CDC42SE2: variants seen among roughly 807,000 people sequenced by gnomAD.
The protein encoded by CDC42SE2 is CDC42 small effector protein 2.
In CDC42SE2, 3 loss-of-function variants were observed where a neutral mutation model predicts 11.5. The ratio of observed to expected loss-of-function variants is 0.26; its 90% confidence interval spans 0.12 to 0.67. CDC42SE2 has a LOEUF of 0.67. Ranked by LOEUF, CDC42SE2 falls within the 30% of genes least tolerant of loss-of-function variation. CDC42SE2 has a pLI of 0.80. For synonymous variants in CDC42SE2, 33 were observed against 34.8 expected (o/e 0.95, Z 0.18); for missense variants, 82 against 106.8 (o/e 0.77, Z 1.02).
intron 1 of CDC42SE2, among the ~76,000 whole-genome samples, chr5:131,254,330 T>A (rs909388854): frequency 2.0e-5 from 3 of 151,972 alleles, no homozygotes; most frequent in Admixed American, 2.0e-4. Flanking sequence ...TCACTTGAGG[T>A]TAGGAGTTCA....
At chr5:131,227,759 A>C in the CDC42SE2 span, among the ~76,000 whole-genome samples, 1 of 150,974 alleles carries the variant, frequency 6.6e-6, no homozygotes, top group Non-Finnish European at 1.5e-5. Context: ...AAAAAAGGAA[A>C]TTTGGCCAGG....
At chr5:131,337,382 G>A (rs1039965469) in intron 2 of CDC42SE2, among the ~76,000 whole-genome samples, 1 of 152,196 alleles carries the variant, frequency 6.6e-6, no homozygotes. Context: ...TGCCCCTACT[G>A]GGGGGTGCCT....
intron 2 of CDC42SE2, among the ~76,000 whole-genome samples, chr5:131,318,860 C>T (rs1758103353): frequency 6.6e-6 from 1 of 152,154 alleles, no homozygotes; most frequent in Admixed American, 6.5e-5. Flanking sequence ...GGTAAGGATG[C>T]CTCTGACACA....
chr5:131,341,261 C>T (rs747768801), intron 2 of CDC42SE2, among the ~76,000 whole-genome samples: 2 of 151,958 alleles, frequency 1.3e-5, no homozygotes, highest in Non-Finnish European at 2.9e-5. Context: ...TTTGAGAATT[C>T]CAAGAGTTAA....
At chr5:131,345,624 A>G (rs538549036) in intron 2 of CDC42SE2, among the ~76,000 whole-genome samples, 1 of 152,344 alleles carries the variant, frequency 6.6e-6, no homozygotes, top group East Asian at 1.9e-4. Context: ...GCAGGCCAAC[A>G]TTCAAATTCA....
In CDC42SE2 at chr5:131,391,468, T is replaced by TGGA. The variant is rs1475745347; in HGVS notation, c.*379_*381dup. On this transcript the variant is annotated 3_prime_UTR_variant, in exon 5 of 5. Coordinates refer to ENST00000505065, the MANE Select transcript of CDC42SE2 (RefSeq NM_001375635.1). Reference sequence around the variant, plus strand: ...GGGCTGATCACCTGAGGCCAGGAATTGGAGACTAGCCTGGCCAACATGGTG... The same window carrying TGGA: ...GGGCTGATCACCTGAGGCCAGGAATTGGAGGAGACTAGCCTGGCCAACATGGTG... 3 of 152,892 alleles carry TGGA rather than the reference T, an allele frequency of 2.0e-5. No homozygotes were observed. The highest frequency in any genetic ancestry group is 4.4e-5 in the Non-Finnish European group (3 of 68,616). 9.5% of individuals were successfully genotyped at this position (152,892 alleles called of 1,614,324 possible). A position where few individuals can be genotyped will look rare whatever the true frequency, so the allele number is the denominator to read the frequency against.
Position 131,359,200 on chromosome 5 carries a change from T to A in CDC42SE2, c.-285-9T>A, listed in dbSNP as rs1749639091. On this transcript the variant is annotated splice_polypyrimidine_tract_variant and intron_variant, in intron 2 of 4. Coordinates refer to ENST00000505065, the MANE Select transcript of CDC42SE2 (RefSeq NM_001375635.1). Reference sequence around the variant, plus strand: ...TAACTTTTTTTTACTTTTTCTTTTTTTTCCCTAGACTATCTGTTATAGTCC... The same window carrying A: ...TAACTTTTTTTTACTTTTTCTTTTTATTCCCTAGACTATCTGTTATAGTCC... 3.4e-6 allele frequency: 1 copy of A among 290,860 alleles called. No individual in the cohort carries two copies. Among genetic ancestry groups the A allele is most frequent in the Non-Finnish European group, 6.3e-6 (1 of 158,688 alleles). 18.0% of individuals were successfully genotyped at this position (290,860 alleles called of 1,614,324 possible). A position where few individuals can be genotyped will look rare whatever the true frequency, so the allele number is the denominator to read the frequency against.
chr5:131,371,740 T>C (rs1412749831), intron 3 of CDC42SE2, among the ~76,000 whole-genome samples: 1 of 152,212 alleles, frequency 6.6e-6, no homozygotes, highest in Non-Finnish European at 1.5e-5. Flanking sequence ...TTCTAGTATA[T>C]TTCAGTAAAT....
chr5:131,263,833 A>AT (rs1302107387), upstream of CDC42SE2: 1 of 152,184 alleles, frequency 6.6e-6, no homozygotes, highest in African/African-American at 2.4e-5. Context: ...ACAGAGGCCA[A>AT]TTCCTAACCC....
chr5:131,366,164 A>G (rs1206043012), intron 3 of CDC42SE2, among the ~76,000 whole-genome samples: 11 of 152,238 alleles, frequency 7.2e-5, no homozygotes, highest in Non-Finnish European at 1.6e-4. Context: ...TCTTGTAGAT[A>G]GTCACTTTGT....
At chr5:131,292,144 C>T (rs1057440616) in intron 1 of CDC42SE2, among the ~76,000 whole-genome samples, 3 of 141,388 alleles carry the variant, frequency 2.1e-5, no homozygotes, top group Non-Finnish European at 4.5e-5. Flanking sequence ...GAGGCTGAGG[C>T]AGGAGAATCG....
At chr5:131,246,836 G>A (rs542637328) in intron 1 of CDC42SE2, among the ~76,000 whole-genome samples, 13 of 144,892 alleles carry the variant, frequency 9.0e-5, no homozygotes, top group South Asian at 2.2e-4. Context: ...CTCTGCCTCC[G>A]GGGTTCAAGA....
chr5:131,251,383 C>T (rs1218341296), intron 1 of CDC42SE2, among the ~76,000 whole-genome samples: 2 of 152,048 alleles, frequency 1.3e-5, no homozygotes, highest in Non-Finnish European at 1.5e-5. Context: ...TCATCTTTTC[C>T]CCATTTAGAA....
intron 3 of CDC42SE2, 24 bp downstream of exon 3, chr5:131,359,571 A>T (rs902657296): frequency 2.5e-6 from 4 of 1,579,452 alleles, no homozygotes; most frequent in Admixed American, 1.7e-5. Flanking sequence ...ATGTGGACAC[A>T]TCAGGTGGGG....
intron 1 of CDC42SE2, among the ~76,000 whole-genome samples, chr5:131,278,037 A>C (rs540179870): frequency 6.6e-6 from 1 of 152,048 alleles, no homozygotes; most frequent in African/African-American, 2.4e-5. Context: ...TCTGTCTCCC[A>C]GGCTGGAGTT....
At chr5:131,258,876 A>C (rs1225693851) in intron 2 of CDC42SE2, among the ~76,000 whole-genome samples, 1 of 152,230 alleles carries the variant, frequency 6.6e-6, no homozygotes, top group African/African-American at 2.4e-5. Context: ...ACCATGCTTT[A>C]TACTGAATTT....
At chr5:131,275,755 G>T (rs1426171881) in intron 1 of CDC42SE2, among the ~76,000 whole-genome samples, 2 of 151,836 alleles carry the variant, frequency 1.3e-5, no homozygotes, top group Non-Finnish European at 2.9e-5. Context: ...ATGGTATCCT[G>T]TGCATTTTTT....
intron 1 of CDC42SE2, among the ~76,000 whole-genome samples, chr5:131,315,183 T>C (rs1010097646): frequency 2.6e-5 from 4 of 152,042 alleles, no homozygotes; most frequent in Non-Finnish European, 5.9e-5. Flanking sequence ...TTAGGCGTGT[T>C]TTGTCTACTG....
chr5:131,219,689 C>T, the CDC42SE2 span, among the ~76,000 whole-genome samples: 2 of 152,178 alleles, frequency 1.3e-5, no homozygotes, highest in Non-Finnish European at 2.9e-5. Context: ...ATAATCCCAA[C>T]GCTTTGGGAG....
Sources: gnomAD v4.1 joint callset for allele counts (sites outside exome capture counted in the v4.1 genomes callset) on GRCh38, gnomAD v4.1.1 for gene constraint, MANE v1.5 for transcripts, NCBI Gene and HGNC (gene_info 2026-07-23, HGNC 2026-07-21) for gene names.